ARHGAP8: variants seen among roughly 807,000 people sequenced by gnomAD.
ARHGAP8 encodes the protein rho GTPase-activating protein 8.
Under a neutral mutation model 46.1 loss-of-function variants are expected in ARHGAP8, and 62 were observed. That is an observed-to-expected ratio of 1.34 (90% CI 1.10 to 1.66). The LOEUF (loss-of-function observed/expected upper bound fraction) is 1.66. Among genes scored for constraint, ARHGAP8 ranks in the 40% most tolerant of loss-of-function variants. The probability of loss-of-function intolerance (pLI) is 0.00; values close to 1 mark genes in which losing one functional copy is unlikely to be tolerated. For synonymous variants in ARHGAP8, 375 were observed against 243.1 expected, an observed-to-expected ratio of 1.54 and a Z score of -5.05; for missense variants, 923 against 568.4, an observed-to-expected ratio of 1.62 and a Z score of -6.34.
At chr22:44,772,224 T>G (rs1419903839) in intron 1 of ARHGAP8, among the ~76,000 whole-genome samples, 1 of 27,132 alleles carries the variant, frequency 3.7e-5, no homozygotes, top group Non-Finnish European at 6.3e-5. Flanking sequence ...CTGTTTTGCC[T>G]TTTTTTTTTT....
In ARHGAP8 at chr22:44,862,589, T is replaced by G. The variant is rs899581729; in HGVS notation, c.1296T>G (p.Arg432=). ...GTCCCCTGATGGCAGCCAGAAGACG[T>G]CTCTAGTGTTGCGAACACTCTGTAT... ...PPSPLMAARR[R]L Residue 432 remains arginine, a synonymous_variant, in exon 12 of 12, where the codon CGT becomes CGG. Transcript: ENST00000356099. 10 of 1,576,174 alleles carry G rather than the reference T, an allele frequency of 6.3e-6. No homozygotes were observed. The highest frequency in any genetic ancestry group is 5.4e-5 in the African/African-American group (4 of 73,592).
In ARHGAP8 at chr22:44,834,441, AATTTT is replaced by A. The variant is rs1037698847; in HGVS notation, c.596+8857_596+8861del. On this transcript the variant is annotated intron_variant, in intron 7 of 11. Transcript: ENST00000356099. ...TTTCACATATCTGTTTTTGATTTTTAATTTTATTTTATTATAATTAGATAACTTAC... is the reference window on the plus strand; with the variant it reads ...TTTCACATATCTGTTTTTGATTTTTAATTTTATTATAATTAGATAACTTAC... 9.0e-4 allele frequency among the ~76,000 whole-genome samples: 137 copies of A among 151,850 alleles called. 1 individual carries two copies. The highest frequency in any genetic ancestry group is 3.2e-3 in the African/African-American group (134 of 41,426).
At chr22:44,799,191 C>T (rs192269550) in intron 2 of ARHGAP8, among the ~76,000 whole-genome samples, 1 of 152,386 alleles carries the variant, frequency 6.6e-6, no homozygotes, top group East Asian at 1.9e-4. Flanking sequence ...GAACCTTTTA[C>T]TGCATTGAGC....
At chr22:44,782,003 C>G (rs1398559133) in intron 1 of ARHGAP8, among the ~76,000 whole-genome samples, 2 of 152,002 alleles carry the variant, frequency 1.3e-5, no homozygotes, top group Admixed American at 6.6e-5. Context: ...TCTAGCCCTT[C>G]TCTTTTAAAT....
chr22:44,806,359 G>A (rs10222207), intron 3 of ARHGAP8, among the ~76,000 whole-genome samples: 62,906 of 152,084 alleles, frequency 0.41, 13,181 homozygotes, highest in South Asian at 0.54. Context: ...ATCATGCATG[G>A]TGTGAGGTCA....
chr22:44,829,282 C>T (rs80266288), intron 7 of ARHGAP8, among the ~76,000 whole-genome samples: 6,111 of 149,586 alleles, frequency 0.041, 173 homozygotes, highest in Middle Eastern at 0.18. Flanking sequence ...CAGAGCGAGA[C>T]TCCCTCTCAA....
At chr22:44,777,657 G>C (rs948640049) in intron 1 of ARHGAP8, among the ~76,000 whole-genome samples, 144 of 151,124 alleles carry the variant, frequency 9.5e-4, no homozygotes, top group African/African-American at 3.2e-3. Context: ...ACTTGTATTT[G>C]AGCCCACCCA....
intron 4 of ARHGAP8, among the ~76,000 whole-genome samples, chr22:44,810,055 C>T (rs1285339661): frequency 6.6e-6 from 1 of 152,142 alleles, no homozygotes; most frequent in African/African-American, 2.4e-5. Flanking sequence ...TCCAGGAAGG[C>T]TTCCTGGGTT....
At chr22:44,808,002 C>T (rs2147091556) in intron 3 of ARHGAP8, among the ~76,000 whole-genome samples, 1 of 152,346 alleles carries the variant, frequency 6.6e-6, no homozygotes, top group South Asian at 2.1e-4. Flanking sequence ...CCTACAAAGA[C>T]CTTTTTCCCA....
chr22:44,837,898 C>A (rs1273661000), intron 7 of ARHGAP8, among the ~76,000 whole-genome samples: 1 of 152,158 alleles, frequency 6.6e-6, no homozygotes, highest in African/African-American at 2.4e-5. Context: ...CTTTGGGGAC[C>A]TCAGTTTTCT....
chr22:44,822,683 A>T (rs1930241209), intron 6 of ARHGAP8, among the ~76,000 whole-genome samples: 1 of 152,206 alleles, frequency 6.6e-6, no homozygotes, highest in South Asian at 2.1e-4. Flanking sequence ...ACAGGACGGG[A>T]TGTTTTCCTC....
chr22:44,839,232 GGTCCGTATTCCTGCAACA>G (rs1931489496), intron 7 of ARHGAP8, among the ~76,000 whole-genome samples: 1 of 152,204 alleles, frequency 6.6e-6, no homozygotes, highest in South Asian at 2.1e-4. Context: ...CAGGGGGCCA[GGTCCGTATTCCTGCAACA>G]GCAGGACCTC....
chr22:44,861,595 C>G (rs1433621225), intron 11 of ARHGAP8, among the ~76,000 whole-genome samples: 1 of 152,162 alleles, frequency 6.6e-6, no homozygotes, highest in Non-Finnish European at 1.5e-5. Context: ...CTCATGACCC[C>G]TGTTTCTGAC....
At chr22:44,858,930 T>C (rs1420798961) in intron 10 of ARHGAP8, among the ~76,000 whole-genome samples, 11 of 151,774 alleles carry the variant, frequency 7.2e-5, no homozygotes, top group Non-Finnish European at 1.3e-4. Context: ...TTGTAGTCTC[T>C]GTTGCAACTA....
intron 10 of ARHGAP8, among the ~76,000 whole-genome samples, chr22:44,857,605 G>A (rs1208744648): frequency 6.6e-6 from 1 of 152,144 alleles, no homozygotes; most frequent in Non-Finnish European, 1.5e-5. Context: ...GAGTGAGCCT[G>A]GGGCAGGAAA....
At chr22:44,796,327 C>T (rs1928080394) in intron 2 of ARHGAP8, among the ~76,000 whole-genome samples, 2 of 152,188 alleles carry the variant, frequency 1.3e-5, no homozygotes, top group Non-Finnish European at 1.5e-5. Context: ...ACAGTTTGCT[C>T]CTCGGGGGCA....
chr22:44,789,451 G>A lies in ARHGAP8; in HGVS notation c.79+2845G>A, dbSNP rs139169106. ...CAGGTGTGAGCCACTGCGCCCGGCC[G>A]ATGCTTTGTTACTAGGAGCATATAT... is the stretch of plus-strand genomic sequence containing the variant. On this transcript the variant is annotated intron_variant, in intron 2 of 11. Transcript: ENST00000356099. 1.2e-3 allele frequency among the ~76,000 whole-genome samples: 186 copies of A among 152,068 alleles called. 5 individuals carry two copies. In the East Asian group the frequency reaches 0.031, roughly 26 times the overall value.
chr22:44,823,908 G>GGGGCTT (rs1930327821), intron 6 of ARHGAP8, among the ~76,000 whole-genome samples: 1 of 152,116 alleles, frequency 6.6e-6, no homozygotes, highest in South Asian at 2.1e-4. Context: ...GTTTGGGAGA[G>GGGGCTT]GGGCTTGGGC....
chr22:44,822,890 T>C (rs572850247), intron 6 of ARHGAP8, among the ~76,000 whole-genome samples: 10 of 152,202 alleles, frequency 6.6e-5, no homozygotes, highest in Non-Finnish European at 1.3e-4. Context: ...TCCTGGATGC[T>C]GAAAGCTTAA....
Sources: gnomAD v4.1 joint callset for allele counts (sites outside exome capture counted in the v4.1 genomes callset) on GRCh38, gnomAD v4.1.1 for gene constraint, MANE v1.5 for transcripts, NCBI Gene and HGNC (gene_info 2026-07-23, HGNC 2026-07-21) for gene names.